Variants in TFB1M observed in about 807,000 individuals in gnomAD.
TFB1M encodes dimethyladenosine transferase 1, mitochondrial.
Under a neutral mutation model 31.1 loss-of-function variants are expected in TFB1M, and 27 were observed. That is an observed-to-expected ratio of 0.87 (90% CI 0.64 to 1.20). TFB1M has a LOEUF of 1.20. Ranked by LOEUF, TFB1M falls within the 50% of genes most tolerant of loss-of-function variation. The pLI is 0.00. For synonymous variants in TFB1M, 166 were observed against 151.8 expected, an observed-to-expected ratio of 1.09 and a Z score of -0.69; for missense variants, 394 against 418.7, an observed-to-expected ratio of 0.94 and a Z score of 0.51.
chr6:155,285,126 C>T (rs760956646), intron 5 of TFB1M, 32 bp downstream of exon 5: 40 of 1,612,386 alleles, frequency 2.5e-5, no homozygotes, highest in Middle Eastern at 1.6e-4. Flanking sequence ...GTCCTAATTC[C>T]GATATACTAC....
At chr6:155,280,741 A>T (rs552057435) in intron 5 of TFB1M, among the ~76,000 whole-genome samples, 1 of 152,356 alleles carries the variant, frequency 6.6e-6, no homozygotes, top group East Asian at 1.9e-4. Flanking sequence ...CAGATTTCAA[A>T]AAACACAAAA....
chr6:155,260,502 C>A, intron 5 of TFB1M, 102 bp from the exon 6 acceptor site: 1 of 1,489,324 alleles, frequency 6.7e-7, no homozygotes. Context: ...CTGTCAACAG[C>A]CTGTTTTCAT....
the TFB1M span, chr6:155,244,832 C>T: frequency 6.7e-4 from 1,034 of 1,543,594 alleles, 2 homozygotes; most frequent in South Asian, 2.3e-3. Flanking sequence ...GGCTATGGTA[C>T]GTATTTCTCT....
At chr6:155,268,510 T>G (rs1290146096) in intron 5 of TFB1M, among the ~76,000 whole-genome samples, 1 of 152,202 alleles carries the variant, frequency 6.6e-6, no homozygotes, top group Non-Finnish European at 1.5e-5. Flanking sequence ...AATACTCAGT[T>G]AAATTACTGA....
At chr6:155,254,562 C>T (rs766878832), downstream of TFB1M, 26 of 1,610,814 alleles carry the variant, frequency 1.6e-5, no homozygotes, top group African/African-American at 5.3e-5. Flanking sequence ...GTTCCTGTTT[C>T]GGCCAAATTA....
chr6:155,310,588 T>A (rs909463615), intron 2 of TFB1M, among the ~76,000 whole-genome samples: 1 of 152,190 alleles, frequency 6.6e-6, no homozygotes, highest in Non-Finnish European at 1.5e-5. Flanking sequence ...CCTTCAACTC[T>A]CATTTCTTAT....
chr6:155,256,937 G>A lies in TFB1M; in HGVS notation c.*899C>T. ...TGCCCCATTAAACGAAAAGCCAACA[G>A]CACCAAGAGGGACAGAGGAACTTTG... On this transcript the variant is annotated 3_prime_UTR_variant, in exon 7 of 7. Transcript: ENST00000367166. 1.2e-6 allele frequency: 2 copies of A among 1,614,190 alleles called. No homozygotes were observed. Among genetic ancestry groups the A allele is most frequent in the African/African-American group, 1.3e-5 (1 of 75,058 alleles).
chr6:155,244,919 G>T, the TFB1M span: 1 of 1,141,372 alleles, frequency 8.8e-7, no homozygotes, highest in Non-Finnish European at 1.2e-6. Flanking sequence ...CTATTTCCTT[G>T]CACCGTTTTC....
chr6:155,257,190 CAAA>C lies in TFB1M; in HGVS notation c.*643_*645del, dbSNP rs11455127. On this transcript the variant is annotated 3_prime_UTR_variant, in exon 7 of 7. Coordinates refer to ENST00000367166, the MANE Select transcript of TFB1M (RefSeq NM_016020.4). ...TAAACTGGTGGTAAAGTGGAAATTG[CAAA>C]AAAAAAAAAAAAAAAAAACTGTTCA... 22,152 of 539,280 alleles carry C rather than the reference CAAA, an allele frequency of 0.041. 10 individuals carry two copies. Among genetic ancestry groups the C allele is most frequent in the East Asian group, 0.1 (2,549 of 24,578 alleles). 33.4% of individuals were successfully genotyped at this position (539,280 alleles called of 1,614,324 possible).
the TFB1M span, among the ~76,000 whole-genome samples, chr6:155,247,349 G>A: frequency 3.9e-5 from 6 of 151,986 alleles, no homozygotes; most frequent in African/African-American, 1.4e-4. Flanking sequence ...TTTTTTTTGA[G>A]ATGGAGTCTC....
At chr6:155,308,314 G>T (rs1174892315) in intron 2 of TFB1M, among the ~76,000 whole-genome samples, 1 of 152,140 alleles carries the variant, frequency 6.6e-6, no homozygotes, top group Non-Finnish European at 1.5e-5. Context: ...GTGCTCCAAT[G>T]GAATAACACG....
At chr6:155,307,909 GA>G (rs59955607) in intron 2 of TFB1M, among the ~76,000 whole-genome samples, 16,140 of 128,206 alleles carry the variant, frequency 0.13, 1,147 homozygotes, top group African/African-American at 0.23. Flanking sequence ...AAAATAAACA[GA>G]AAAAAAAAAA....
intron 5 of TFB1M, chr6:155,276,018 T>C: frequency 6.2e-7 from 1 of 1,614,098 alleles, no homozygotes; most frequent in Non-Finnish European, 8.5e-7. Context: ...ACTTCCACAG[T>C]AGGAATGAAA....
the TFB1M span, chr6:155,240,543 T>C: frequency 1.9e-6 from 3 of 1,613,602 alleles, no homozygotes; most frequent in Non-Finnish European, 2.5e-6. Context: ...GCTGAGCAGA[T>C]CACTGCACTG....
At chr6:155,269,455 G>A (rs73579373) in intron 5 of TFB1M, among the ~76,000 whole-genome samples, 3,578 of 151,642 alleles carry the variant, frequency 0.024, 152 homozygotes, top group African/African-American at 0.082. Flanking sequence ...CCGAGAAGCT[G>A]GGGCTAATGG....
Position 155,256,450 on chromosome 6 carries a change from T to A in TFB1M, c.*1386A>T. The A allele has an allele frequency of 6.2e-7, 1 of 1,613,732 alleles. No individual in the cohort carries two copies. Among genetic ancestry groups the A allele is most frequent in the Non-Finnish European group, 8.5e-7 (1 of 1,179,966 alleles). Reference sequence around the variant, plus strand: ...CATTACACATTGTGTAACCTGTTTCTGTATCACAGCGAAATGTGTTTTTCT... The same window carrying A: ...CATTACACATTGTGTAACCTGTTTCAGTATCACAGCGAAATGTGTTTTTCT... On this transcript the variant is annotated 3_prime_UTR_variant, in exon 7 of 7. Coordinates refer to ENST00000367166, the MANE Select transcript of TFB1M (RefSeq NM_016020.4).
chr6:155,256,599 G>A lies in TFB1M; in HGVS notation c.*1237C>T, dbSNP rs756659218. 1 of 1,614,168 alleles carries A rather than the reference G, an allele frequency of 6.2e-7. No individual in the cohort carries two copies. Among genetic ancestry groups the A allele is most frequent in the South Asian group, 1.1e-5 (1 of 91,076 alleles). ...AGGGCAGCTTGAGCAGCGGCACCCAGAGCAGCGGCTGCCCCACGGCTGAGG... is the reference window on the plus strand; with the variant it reads ...AGGGCAGCTTGAGCAGCGGCACCCAAAGCAGCGGCTGCCCCACGGCTGAGG... On this transcript the variant is annotated 3_prime_UTR_variant, in exon 7 of 7. Coordinates refer to ENST00000367166, the MANE Select transcript of TFB1M (RefSeq NM_016020.4).
downstream of TFB1M, chr6:155,251,928 T>C (rs757317183): frequency 4.4e-6 from 7 of 1,587,238 alleles, no homozygotes; most frequent in Non-Finnish European, 6.0e-6. Context: ...ACTTTCTTTC[T>C]CTTTTCCTTT....
chr6:155,304,989 T>C (rs1034321332), intron 2 of TFB1M, among the ~76,000 whole-genome samples: 1 of 149,078 alleles, frequency 6.7e-6, no homozygotes, highest in African/African-American at 2.5e-5. Context: ...TTTCAAAAAA[T>C]GGTGTTAAAA....
Sources: gnomAD v4.1 joint callset for allele counts (sites outside exome capture counted in the v4.1 genomes callset) on GRCh38, gnomAD v4.1.1 for gene constraint, MANE v1.5 for transcripts, NCBI Gene and HGNC (gene_info 2026-07-23, HGNC 2026-07-21) for gene names.